Variants in NCALD observed in about 807,000 individuals in gnomAD.
NCALD encodes the protein neurocalcin-delta.
A neutral mutation model predicts 18.6 loss-of-function variants in NCALD; 10 were observed. The observed-to-expected ratio is 0.54, with a 90% CI of 0.33 to 0.91. NCALD has a LOEUF of 0.91. NCALD is among the 40% of genes least tolerant of loss of function. NCALD has a pLI of 0.03. For missense variants in NCALD, 184 were observed against 247.6 expected, an observed-to-expected ratio of 0.74 and a Z score of 1.72; for synonymous variants, 88 against 87.4, an observed-to-expected ratio of 1.01 and a Z score of -0.04.
At chr8:102,082,213 TGAGAAGCTCTCTC>T (rs1488633801) in intron 1 of NCALD, among the ~76,000 whole-genome samples, 2 of 149,628 alleles carry the variant, frequency 1.3e-5, no homozygotes, top group Non-Finnish European at 3.0e-5. Flanking sequence ...GGCAGTTATT[TGAGAAGCTCTCTC>T]TTTTTTTTTT....
intron 4 of NCALD, among the ~76,000 whole-genome samples, chr8:101,858,379 G>C (rs1815405495): frequency 6.6e-6 from 1 of 152,152 alleles, no homozygotes; most frequent in Admixed American, 6.5e-5. Flanking sequence ...AAATAAAGGT[G>C]AGAGGTGGAA....
chr8:101,985,565 G>T (rs1820777806), intron 2 of NCALD, among the ~76,000 whole-genome samples: 1 of 152,158 alleles, frequency 6.6e-6, no homozygotes, highest in Non-Finnish European at 1.5e-5. Context: ...ACTGTGAAAG[G>T]CTAAATATAA....
chr8:101,913,734 C>A (rs1403606129), intron 3 of NCALD, among the ~76,000 whole-genome samples: 1 of 152,134 alleles, frequency 6.6e-6, no homozygotes, highest in Non-Finnish European at 1.5e-5. Context: ...AGGCATGCAC[C>A]ACCACGCCCA....
chr8:102,107,823 T>C (rs1491001776), intron 1 of NCALD, among the ~76,000 whole-genome samples: 2 of 152,228 alleles, frequency 1.3e-5, no homozygotes, highest in Non-Finnish European at 2.9e-5. Flanking sequence ...CCTTCTTTTA[T>C]GGAAATGCAT....
intron 1 of NCALD, among the ~76,000 whole-genome samples, chr8:102,049,329 G>A (rs927996671): frequency 1.3e-5 from 2 of 152,178 alleles, no homozygotes; most frequent in Admixed American, 6.5e-5. Context: ...GAGGGACAGT[G>A]GTACGCATTT....
chr8:102,005,953 A>G (rs1379778788), intron 2 of NCALD, among the ~76,000 whole-genome samples: 22 of 152,068 alleles, frequency 1.4e-4, no homozygotes, highest in Admixed American at 9.2e-4. Flanking sequence ...TGGGTGCAGC[A>G]CACCAACATG....
At chr8:102,059,471 T>A (rs1304121010) in intron 1 of NCALD, among the ~76,000 whole-genome samples, 1 of 152,224 alleles carries the variant, frequency 6.6e-6, no homozygotes, top group East Asian at 1.9e-4. Flanking sequence ...AACAAATGGA[T>A]GAAAGGATGT....
chr8:101,717,681 C>T (rs1488689144), intron 2 of NCALD, among the ~76,000 whole-genome samples: 1 of 151,996 alleles, frequency 6.6e-6, no homozygotes, highest in African/African-American at 2.4e-5. Flanking sequence ...TGCAGACCAG[C>T]TACAACAAAG....
chr8:101,783,703 G>A lies in NCALD; in HGVS notation c.-20+7159C>T, dbSNP rs1812108919. Among the ~76,000 whole-genome samples the A allele has an allele frequency of 2.0e-5, 3 of 152,294 alleles. No individual in the cohort carries two copies. In the South Asian group the frequency reaches 6.2e-4, roughly 32 times the overall value. On this transcript the variant is annotated intron_variant, in intron 1 of 3. Transcript: ENST00000220931. ...GCCATCCACACTGCACTCTCCTGCA[G>A]GGAGGGTCCCAGTCAGTGGGGGCCA...
rs886120826 is a variant in NCALD at position 101,993,905 on chromosome 8, A to G, written c.-157+26332T>C. Among the ~76,000 whole-genome samples, 5 of 152,198 alleles carry G rather than the reference A, an allele frequency of 3.3e-5. No individual in the cohort carries two copies. In the South Asian group the frequency reaches 1.0e-3, roughly 32 times the overall value. On this transcript the variant is annotated intron_variant, in intron 2 of 6. Transcript: ENST00000311028. The stretch of plus-strand genomic sequence containing the variant: ...GAGATATGAATAGCATCTTCCTTAT[A>G]GAATTGATGTGAAGATTAAATGCAA...
intron 2 of NCALD, among the ~76,000 whole-genome samples, chr8:101,980,453 A>G (rs979839639): frequency 6.6e-6 from 1 of 152,208 alleles, no homozygotes; most frequent in African/African-American, 2.4e-5. Flanking sequence ...CTAGGATCAG[A>G]CCCACGCTTC....
intron 1 of NCALD, among the ~76,000 whole-genome samples, chr8:101,729,057 C>T (rs755962213): frequency 1.1e-4 from 17 of 152,166 alleles, no homozygotes; most frequent in Non-Finnish European, 1.8e-4. Flanking sequence ...ATTTTAGCTG[C>T]CTAAATTTTA....
chr8:102,014,433 G>C (rs1252178763), intron 2 of NCALD, among the ~76,000 whole-genome samples: 1 of 151,942 alleles, frequency 6.6e-6, no homozygotes, highest in Non-Finnish European at 1.5e-5. Context: ...TTGGGGGTTG[G>C]GTTTCAACAT....
chr8:101,811,744 C>T (rs564164199), intron 4 of NCALD, among the ~76,000 whole-genome samples: 1 of 152,098 alleles, frequency 6.6e-6, no homozygotes, highest in East Asian at 1.9e-4. Flanking sequence ...GAACCCATTA[C>T]GGAAAAACCT....
intron 2 of NCALD, among the ~76,000 whole-genome samples, chr8:102,016,464 G>T (rs1414279401): frequency 6.6e-6 from 1 of 152,104 alleles, no homozygotes; most frequent in Non-Finnish European, 1.5e-5. Flanking sequence ...GAAGAAAGAG[G>T]TCCCCTTTGT....
At chr8:101,711,519 T>C (rs1465724022) in intron 2 of NCALD, among the ~76,000 whole-genome samples, 3 of 151,938 alleles carry the variant, frequency 2.0e-5, no homozygotes, top group Admixed American at 2.0e-4. Context: ...GCTAAGAACC[T>C]TGATAAAAAG....
chr8:101,937,796 TAC>T lies in NCALD; in HGVS notation c.-156-21940_-156-21939del, dbSNP rs1818817674. Among the ~76,000 whole-genome samples the T allele has an allele frequency of 4.6e-5, 7 of 152,302 alleles. No homozygotes were observed. The South Asian group carries it at 1.5e-3, about 32-fold the overall frequency. On this transcript the variant is annotated intron_variant, in intron 2 of 6. Transcript: ENST00000311028. ...GCATGGTTTCTGCCCTCATGGAGCT[TAC>T]ACTCTTGTAGGGAGACAGTCAATAA...
In NCALD at chr8:101,965,702, GCGTATACCTA is replaced by G. The variant is rs560301503; in HGVS notation, c.-156-49854_-156-49845del. The stretch of plus-strand genomic sequence containing the variant: ...TGGGTGCAGCAAACCACCATGGCAT[GCGTATACCTA>G]TGTAACAAACCTGCATGTTCTGCAC... On this transcript the variant is annotated intron_variant, in intron 2 of 6. Transcript: ENST00000311028. 1.6e-3 allele frequency among the ~76,000 whole-genome samples: 237 copies of G among 152,240 alleles called. 3 individuals carry two copies. The highest frequency in any genetic ancestry group is 5.0e-3 in the African/African-American group (206 of 41,558).
At chr8:102,110,870 G>A (rs1825618594) in intron 1 of NCALD, among the ~76,000 whole-genome samples, 1 of 151,764 alleles carries the variant, frequency 6.6e-6, no homozygotes, top group Non-Finnish European at 1.5e-5. Context: ...AGTAAACTGA[G>A]GTATAATCCA....
Sources: gnomAD v4.1 joint callset for allele counts (sites outside exome capture counted in the v4.1 genomes callset) on GRCh38, gnomAD v4.1.1 for gene constraint, MANE v1.5 for transcripts, NCBI Gene and HGNC (gene_info 2026-07-23, HGNC 2026-07-21) for gene names.